NEDD4L: variants seen among roughly 807,000 people sequenced by gnomAD.
The protein encoded by NEDD4L is E3 ubiquitin-protein ligase NEDD4-like.
In NEDD4L, 54 loss-of-function variants were observed where a neutral mutation model predicts 148.9. That is an observed-to-expected ratio of 0.36 (90% CI 0.29 to 0.45). The LOEUF (loss-of-function observed/expected upper bound fraction) is 0.45. Among genes scored for constraint, NEDD4L ranks in the 20% least tolerant of loss-of-function variants. The pLI is 1.00. For synonymous variants in NEDD4L, 433 were observed against 440.7 expected, an observed-to-expected ratio of 0.98 and a Z score of 0.22; for missense variants, 856 against 1,233.8, an observed-to-expected ratio of 0.69 and a Z score of 4.59.
At chr18:58,138,284 G>T (rs1239423991) in intron 1 of NEDD4L, among the ~76,000 whole-genome samples, 1 of 148,746 alleles carries the variant, frequency 6.7e-6, no homozygotes, top group Non-Finnish European at 1.5e-5. Context: ...TGACCACTTT[G>T]AGTGATGCTG....
intron 1 of NEDD4L, among the ~76,000 whole-genome samples, chr18:58,109,308 A>G (rs1280275328): frequency 6.6e-6 from 1 of 152,216 alleles, no homozygotes; most frequent in Non-Finnish European, 1.5e-5. Context: ...GAAGAGTTTC[A>G]CAGTTTCTGA....
At chr18:58,231,239 A>C (rs1410611120) in intron 2 of NEDD4L, among the ~76,000 whole-genome samples, 2 of 40,990 alleles carry the variant, frequency 4.9e-5, no homozygotes, top group African/African-American at 6.6e-4. Flanking sequence ...CCCTATCTCA[A>C]AAAAAAAAAA....
chr18:58,243,134 A>G (rs2046842955), intron 2 of NEDD4L, among the ~76,000 whole-genome samples: 2 of 152,242 alleles, frequency 1.3e-5, no homozygotes, highest in South Asian at 2.1e-4. Flanking sequence ...ATGTTCTATT[A>G]CAGGAAATGC....
At position 58,044,442 on chromosome 18, in the gene NEDD4L, C is replaced by A. The variant is rs1436203988; in HGVS notation, c.-219C>A. On this transcript the variant is annotated 5_prime_UTR_variant, in exon 1 of 31. Transcript: ENST00000400345. ...GGCGCGCTCTCGGGAGCCGCCCGCC[C>A]GCTGGTCCCGCAGCCTTCCGGGAGG... 9 of 439,954 alleles carry A rather than the reference C, an allele frequency of 2.0e-5. No homozygotes were observed. The highest frequency in any genetic ancestry group is 2.8e-5 in the Non-Finnish European group (8 of 284,382). The allele number at this position is 439,954 out of a possible 1,614,324, so 27.3% of individuals were successfully genotyped here.
At chr18:58,087,334 C>T (rs1415548801) in intron 1 of NEDD4L, among the ~76,000 whole-genome samples, 1 of 152,248 alleles carries the variant, frequency 6.6e-6, no homozygotes, top group Non-Finnish European at 1.5e-5. Flanking sequence ...TCTACACCAT[C>T]ATCCACAGTC....
At chr18:58,352,518 G>T (rs2044031908) in intron 18 of NEDD4L, among the ~76,000 whole-genome samples, 1 of 152,114 alleles carries the variant, frequency 6.6e-6, no homozygotes, top group Non-Finnish European at 1.5e-5. Flanking sequence ...AACTAGCTGG[G>T]TGTGGTGGCG....
chr18:58,049,573 C>T (rs911318026), intron 1 of NEDD4L, among the ~76,000 whole-genome samples: 3 of 152,118 alleles, frequency 2.0e-5, no homozygotes. Flanking sequence ...AGACTGTATA[C>T]CCAGGACATA....
chr18:58,393,649 G>A (rs1422553598), intron 30 of NEDD4L, among the ~76,000 whole-genome samples: 1 of 152,170 alleles, frequency 6.6e-6, no homozygotes, highest in Non-Finnish European at 1.5e-5. Context: ...CTTCTAAATG[G>A]CTTTCCTCCC....
intron 1 of NEDD4L, among the ~76,000 whole-genome samples, chr18:58,115,835 A>T (rs1434941476): frequency 1.3e-5 from 2 of 152,194 alleles, no homozygotes; most frequent in South Asian, 2.1e-4. Flanking sequence ...GACATTATAG[A>T]TCTTGAAATA....
chr18:58,337,071 C>T (rs533207477), intron 13 of NEDD4L, among the ~76,000 whole-genome samples: 1 of 152,260 alleles, frequency 6.6e-6, no homozygotes, highest in Non-Finnish European at 1.5e-5. Context: ...ATTGCAGTAC[C>T]AGGCTCCATG....
intron 1 of NEDD4L, among the ~76,000 whole-genome samples, chr18:58,119,913 G>A (rs182435876): frequency 5.3e-5 from 8 of 152,302 alleles, no homozygotes; most frequent in African/African-American, 1.2e-4. Context: ...AAGCACCACG[G>A]CCTGTTCTTA....
At chr18:58,276,212 T>TTTTG (rs1555782967) in intron 5 of NEDD4L, among the ~76,000 whole-genome samples, 4 of 103,446 alleles carry the variant, frequency 3.9e-5, no homozygotes, top group African/African-American at 1.5e-4. Flanking sequence ...TTTTTTTTTT[T>TTTTG]GGGTGGGGAG....
At chr18:58,238,855 T>C (rs535931573) in intron 2 of NEDD4L, among the ~76,000 whole-genome samples, 59 of 152,334 alleles carry the variant, frequency 3.9e-4, no homozygotes, top group African/African-American at 1.4e-3. Flanking sequence ...TAGAAAGTAT[T>C]ACCTTTTTTC....
intron 2 of NEDD4L, among the ~76,000 whole-genome samples, chr18:58,225,081 C>G (rs1365955758): frequency 6.6e-6 from 1 of 151,944 alleles, no homozygotes; most frequent in Non-Finnish European, 1.5e-5. Context: ...AAAAAAGTCA[C>G]TTAGCTTGAA....
chr18:58,132,032 C>T (rs1034281978), intron 1 of NEDD4L, among the ~76,000 whole-genome samples: 1 of 152,200 alleles, frequency 6.6e-6, no homozygotes, highest in South Asian at 2.1e-4. Flanking sequence ...CATTCTCTTT[C>T]CTTTACAGCT....
At chr18:58,180,037 C>T (rs1349309548) in intron 2 of NEDD4L, among the ~76,000 whole-genome samples, 1 of 152,188 alleles carries the variant, frequency 6.6e-6, no homozygotes, top group Admixed American at 6.5e-5. Context: ...CTGCCCTATT[C>T]TCTCTATTCC....
chr18:58,225,985 C>T (rs292450), intron 2 of NEDD4L, among the ~76,000 whole-genome samples: 50,423 of 151,924 alleles, frequency 0.33, 8,400 homozygotes, highest in East Asian at 0.48. Flanking sequence ...ATGGAAGTTG[C>T]GGCTGACACT....
chr18:58,189,244 T>C (rs1216497051), intron 2 of NEDD4L, among the ~76,000 whole-genome samples: 2 of 152,198 alleles, frequency 1.3e-5, no homozygotes, highest in African/African-American at 4.8e-5. Flanking sequence ...GGATCTTTTG[T>C]CTTTAAAAGT....
intron 1 of NEDD4L, among the ~76,000 whole-genome samples, chr18:58,125,145 C>T (rs930546421): frequency 1.3e-5 from 2 of 152,190 alleles, no homozygotes; most frequent in Non-Finnish European, 2.9e-5. Context: ...AGCGATCCTC[C>T]CACTTTGACT....
Sources: gnomAD v4.1 joint callset for allele counts (sites outside exome capture counted in the v4.1 genomes callset) on GRCh38, gnomAD v4.1.1 for gene constraint, MANE v1.5 for transcripts, NCBI Gene and HGNC (gene_info 2026-07-23, HGNC 2026-07-21) for gene names.